CEP83: variants seen among roughly 807,000 people sequenced by gnomAD.
CEP83 encodes the protein centrosomal protein of 83 kDa.
In CEP83, 70 loss-of-function variants were observed where a neutral mutation model predicts 101.9. The observed-to-expected ratio is 0.69, with a 90% confidence interval of 0.57 to 0.84. The LOEUF (loss-of-function observed/expected upper bound fraction) is 0.84. Among genes scored for constraint, CEP83 ranks in the 40% least tolerant of loss-of-function variants. CEP83 has a pLI of 0.00. For synonymous variants in CEP83, 264 were observed against 267.9 expected (o/e 0.99, Z 0.14); for missense variants, 715 against 787.2 (o/e 0.91, Z 1.10).
chr12:94,267,675 G>A, the CEP83 span, among the ~76,000 whole-genome samples: 5 of 152,168 alleles, frequency 3.3e-5, no homozygotes, highest in African/African-American at 1.2e-4. Context: ...TTCATGGTTG[G>A]CAGTTGTACG....
chr12:94,301,163 C>A, the CEP83 span: 2 of 829,094 alleles, frequency 2.4e-6, no homozygotes, highest in Non-Finnish European at 3.6e-6. Flanking sequence ...ACTACACCAG[C>A]TAAAAAGAGA....
intron 6 of CEP83, among the ~76,000 whole-genome samples, chr12:94,387,830 G>A (rs2062242420): frequency 6.6e-6 from 1 of 151,890 alleles, no homozygotes; most frequent in Admixed American, 6.6e-5. Context: ...TGAAAAAAAT[G>A]CTTAACATCA....
chr12:94,412,101 T>C (rs2063919727), intron 3 of CEP83, among the ~76,000 whole-genome samples: 1 of 152,194 alleles, frequency 6.6e-6, no homozygotes. Context: ...GTCCTGCTAC[T>C]TTCAAAATAA....
intron 2 of CEP83, among the ~76,000 whole-genome samples, chr12:94,430,826 T>C (rs1431558486): frequency 1.3e-5 from 2 of 152,080 alleles, no homozygotes; most frequent in Admixed American, 6.5e-5. Flanking sequence ...AGTCAAACTG[T>C]CAACAATCAA....
At chr12:94,338,862 T>A (rs1400540582) in intron 11 of CEP83, among the ~76,000 whole-genome samples, 1 of 152,192 alleles carries the variant, frequency 6.6e-6, no homozygotes, top group Non-Finnish European at 1.5e-5. Context: ...AAGATGGAAC[T>A]ATTTCAAGTT....
At chr12:94,307,088 C>T (rs1180147303), downstream of CEP83, 1 of 152,218 alleles carries the variant, frequency 6.6e-6, no homozygotes, top group Admixed American at 6.5e-5. Flanking sequence ...GGATCAGCTA[C>T]AGCTTTATCT....
intron 13 of CEP83, among the ~76,000 whole-genome samples, chr12:94,333,053 A>G (rs1475438127): frequency 6.6e-6 from 1 of 150,736 alleles, no homozygotes; most frequent in East Asian, 1.9e-4. Flanking sequence ...ACCAAAAAAA[A>G]AAAAAAAAAA....
At chr12:94,417,833 AT>A (rs2064400713) in intron 2 of CEP83, among the ~76,000 whole-genome samples, 1 of 152,158 alleles carries the variant, frequency 6.6e-6, no homozygotes, top group Non-Finnish European at 1.5e-5. Context: ...AAAAAAAGAA[AT>A]CCACTGATCA....
At chr12:94,408,122 T>TA (rs2063660593) in intron 4 of CEP83, 1 of 152,208 alleles carries the variant, frequency 6.6e-6, no homozygotes, top group Non-Finnish European at 1.5e-5. Flanking sequence ...AGCAGTGTCT[T>TA]AGACTTCTAA....
At chr12:94,312,643 AACTAACACC>A in intron 15 of CEP83, 1 of 985,310 alleles carries the variant, frequency 1.0e-6, no homozygotes, top group East Asian at 1.1e-4. Flanking sequence ...CAGCAGCAAC[AACTAACACC>A]ACTCCTTGCT....
intron 11 of CEP83, among the ~76,000 whole-genome samples, chr12:94,337,226 A>G (rs191527278): frequency 2.6e-5 from 4 of 152,334 alleles, no homozygotes; most frequent in African/African-American, 9.6e-5. Flanking sequence ...AAAGAAACCA[A>G]TGGTAGAGTA....
intron 7 of CEP83, among the ~76,000 whole-genome samples, chr12:94,377,356 C>A: frequency 6.6e-6 from 1 of 152,132 alleles, no homozygotes; most frequent in Non-Finnish European, 1.5e-5. Flanking sequence ...AAGAGTATCA[C>A]ACCACATATC....
At chr12:94,432,994 A>C (rs2065752681) in intron 2 of CEP83, among the ~76,000 whole-genome samples, 1 of 152,240 alleles carries the variant, frequency 6.6e-6, no homozygotes, top group African/African-American at 2.4e-5. Flanking sequence ...AAACTTCACA[A>C]AGCAGCAGCT....
chr12:94,269,031 A>G, the CEP83 span, among the ~76,000 whole-genome samples: 2 of 152,146 alleles, frequency 1.3e-5, no homozygotes, highest in Admixed American at 1.3e-4. Context: ...GAGTTAGTGA[A>G]AGTTTGAGGA....
At chr12:94,273,010 C>A in the CEP83 span, among the ~76,000 whole-genome samples, 1 of 152,084 alleles carries the variant, frequency 6.6e-6, no homozygotes, top group Non-Finnish European at 1.5e-5. Flanking sequence ...AGTCAGGACA[C>A]GTCCTAGTTA....
chr12:94,359,361 TGAAAAAA>T (rs2060634885), intron 11 of CEP83, among the ~76,000 whole-genome samples: 1 of 152,078 alleles, frequency 6.6e-6, no homozygotes, highest in Non-Finnish European at 1.5e-5. Flanking sequence ...GTTGGTTTTT[TGAAAAAA>T]CAAAATTGAC....
In CEP83 at chr12:94,308,560, C is replaced by A; in HGVS notation, c.*253G>T. The A allele has an allele frequency of 3.7e-6, 1 of 269,020 alleles. No individual in the cohort carries two copies. The highest frequency in any genetic ancestry group is 7.0e-6 in the Non-Finnish European group (1 of 142,810). 16.7% of individuals were successfully genotyped at this position (269,020 alleles called of 1,614,324 possible). A position where few individuals can be genotyped will look rare whatever the true frequency, so the allele number is the denominator to read the frequency against. On this transcript the variant is annotated 3_prime_UTR_variant, in exon 17 of 17. Transcript: ENST00000397809. ...TTTAAAACTTGACTCTAACTAGTTCCTTTTTGTTTTACATTCTCAAACCAT... is the reference window on the plus strand; with the variant it reads ...TTTAAAACTTGACTCTAACTAGTTCATTTTTGTTTTACATTCTCAAACCAT...
chr12:94,271,410 C>T, the CEP83 span, among the ~76,000 whole-genome samples: 1 of 152,238 alleles, frequency 6.6e-6, no homozygotes, highest in African/African-American at 2.4e-5. Context: ...TGCCAGCCCC[C>T]TGCAGCCTTA....
intron 15 of CEP83, among the ~76,000 whole-genome samples, chr12:94,311,336 T>G (rs1284473772): frequency 6.6e-6 from 1 of 152,196 alleles, no homozygotes; most frequent in Non-Finnish European, 1.5e-5. Context: ...AACATAAGTT[T>G]CCCTGAGTTC....
Sources: gnomAD v4.1 joint callset for allele counts (sites outside exome capture counted in the v4.1 genomes callset) on GRCh38, gnomAD v4.1.1 for gene constraint, MANE v1.5 for transcripts, NCBI Gene and HGNC (gene_info 2026-07-23, HGNC 2026-07-21) for gene names.